The following PLCG2 variants were observed in gnomAD, a reference collection of about 807,000 sequenced individuals.
PLCG2 encodes the protein 1-phosphatidylinositol 4,5-bisphosphate phosphodiesterase gamma-2.
Under a neutral mutation model 175.6 loss-of-function variants are expected in PLCG2, and 69 were observed. That is an observed-to-expected ratio of 0.39 (90% CI 0.32 to 0.48). The LOEUF (loss-of-function observed/expected upper bound fraction) is 0.48. Ranked by LOEUF, PLCG2 falls within the 20% of genes least tolerant of loss-of-function variation. The probability of loss-of-function intolerance (pLI) is 0.91; values close to 1 mark genes in which losing one functional copy is unlikely to be tolerated. For missense variants in PLCG2, 1,798 were observed against 1,650.9 expected (o/e 1.09, Z -1.54); for synonymous variants, 827 against 624.0 (o/e 1.33, Z -4.85).
chr16:81,778,050 A>AC (rs1567457819), upstream of PLCG2, among the ~76,000 whole-genome samples: 9 of 103,968 alleles, frequency 8.7e-5, no homozygotes, highest in East Asian at 2.4e-4. Flanking sequence ...AAACAAAAAA[A>AC]AAAACAAAAA....
chr16:81,750,662 G>GTTTTTTTTTTT (rs1567692941), intron 1 of PLCG2, among the ~76,000 whole-genome samples: 1 of 18,584 alleles, frequency 5.4e-5, no homozygotes, highest in Non-Finnish European at 1.2e-4. Context: ...GGGGACTGGA[G>GTTTTTTTTTTT]ATTTTTTTTT....
At position 81,744,979 on chromosome 16, in the gene PLCG2, G is replaced by A. The variant is rs73604542; in HGVS notation, c.-145+5594G>A. Among the ~76,000 whole-genome samples the A allele has an allele frequency of 8.6e-3, 1,307 of 152,282 alleles. 17 individuals carry two copies. Among genetic ancestry groups the A allele is most frequent in the African/African-American group, 0.028 (1,180 of 41,552 alleles). Reference sequence around the variant, plus strand: ...GGGTTGGTTTTTCTGGATTCAAAGTGTCTCATCTTAACTCCAACCCTGGAC... The same window carrying A: ...GGGTTGGTTTTTCTGGATTCAAAGTATCTCATCTTAACTCCAACCCTGGAC... On this transcript the variant is annotated intron_variant, in intron 1 of 5. Transcript: ENST00000565054.
chr16:81,956,086 C>T (rs1054289612), intron 31 of PLCG2, among the ~76,000 whole-genome samples: 2 of 152,200 alleles, frequency 1.3e-5, no homozygotes, highest in Admixed American at 1.3e-4. Context: ...ACCCCGGTGA[C>T]CTTTAACCTA....
intron 2 of PLCG2, among the ~76,000 whole-genome samples, chr16:81,822,281 C>T (rs759636949): frequency 1.3e-5 from 2 of 152,122 alleles, no homozygotes; most frequent in African/African-American, 2.4e-5. Flanking sequence ...GAAGGGTCGG[C>T]ATAGGTGGTA....
chr16:81,901,269 A>G (rs1406242012), intron 14 of PLCG2, among the ~76,000 whole-genome samples: 1 of 152,124 alleles, frequency 6.6e-6, no homozygotes, highest in African/African-American at 2.4e-5. Flanking sequence ...GCAGCAATAG[A>G]GCTGATGTTC....
At chr16:81,796,036 G>A (rs896611538) in intron 2 of PLCG2, among the ~76,000 whole-genome samples, 2 of 152,254 alleles carry the variant, frequency 1.3e-5, no homozygotes, top group Non-Finnish European at 2.9e-5. Context: ...AGGTGCCCCA[G>A]TGAAGGCTGA....
At chr16:81,940,282 C>T (rs1317864660) in intron 30 of PLCG2, among the ~76,000 whole-genome samples, 23 of 152,166 alleles carry the variant, frequency 1.5e-4, no homozygotes, top group Admixed American at 1.4e-3. Flanking sequence ...GGGATGTTTA[C>T]AAGCAAAACT....
chr16:81,768,128 G>A (rs1208657546), intron 2 of PLCG2, among the ~76,000 whole-genome samples: 3 of 152,002 alleles, frequency 2.0e-5, no homozygotes, highest in Admixed American at 1.3e-4. Flanking sequence ...GACCCACCTC[G>A]GCCTCCAAAA....
chr16:81,807,172 C>CA (rs1315196124), intron 2 of PLCG2, among the ~76,000 whole-genome samples: 4 of 151,998 alleles, frequency 2.6e-5, no homozygotes, highest in African/African-American at 9.6e-5. Context: ...CGTGGTGATT[C>CA]ATGTGGTGAT....
intron 24 of PLCG2, 147 bp downstream of exon 24, chr16:81,928,771 AG>A (rs1910383544): frequency 1.5e-6 from 1 of 649,468 alleles, no homozygotes; most frequent in Non-Finnish European, 2.9e-6. Flanking sequence ...TATTTAGGTC[AG>A]GCTGGTCAGT....
chr16:81,755,755 A>C (rs1909908383), intron 1 of PLCG2: 1 of 151,700 alleles, frequency 6.6e-6, no homozygotes, highest in Non-Finnish European at 1.5e-5. Context: ...CCAATTCCTG[A>C]CCTCAAGTGA....
At chr16:81,912,773 C>T (rs1024995199) in intron 19 of PLCG2, 57 bp downstream of exon 19, 23 of 1,504,712 alleles carry the variant, frequency 1.5e-5, no homozygotes, top group South Asian at 1.1e-4. Flanking sequence ...AGGACAGATG[C>T]GGAGAGACAA....
intron 2 of PLCG2, among the ~76,000 whole-genome samples, chr16:81,806,657 A>G (rs1904282591): frequency 6.6e-6 from 1 of 151,906 alleles, no homozygotes; most frequent in Non-Finnish European, 1.5e-5. Context: ...GTAAATTTTT[A>G]TATATGGAAA....
At chr16:81,925,202 G>A (rs1036852586) in intron 22 of PLCG2, among the ~76,000 whole-genome samples, 10 of 152,194 alleles carry the variant, frequency 6.6e-5, no homozygotes, top group South Asian at 2.1e-4. Context: ...TGGGCAAACC[G>A]CCCAGCGGCT....
chr16:81,739,459 A>C (rs1398933232), intron 1 of PLCG2: 2 of 152,096 alleles, frequency 1.3e-5, no homozygotes, highest in South Asian at 4.1e-4. Flanking sequence ...TATTTCTGGT[A>C]CATTCTCTGG....
intron 2 of PLCG2, among the ~76,000 whole-genome samples, chr16:81,841,293 G>A (rs555841491): frequency 1.3e-5 from 2 of 151,942 alleles, no homozygotes; most frequent in African/African-American, 4.8e-5. Context: ...CTGGAGTGCA[G>A]TGGCATGATC....
chr16:81,945,557 G>A (rs1010678397), intron 30 of PLCG2, among the ~76,000 whole-genome samples: 3 of 152,192 alleles, frequency 2.0e-5, no homozygotes, highest in East Asian at 1.9e-4. Context: ...GAGATGTGTT[G>A]CCTTAAACAT....
intron 2 of PLCG2, among the ~76,000 whole-genome samples, chr16:81,788,349 C>G (rs1322682609): frequency 6.6e-6 from 1 of 152,118 alleles, no homozygotes; most frequent in Non-Finnish European, 1.5e-5. Flanking sequence ...AGTACAATGT[C>G]AGCTCACTGC....
At chr16:81,867,942 G>T (rs1292168608) in intron 5 of PLCG2, among the ~76,000 whole-genome samples, 1 of 152,020 alleles carries the variant, frequency 6.6e-6, no homozygotes, top group Non-Finnish European at 1.5e-5. Context: ...CTCGTGATCC[G>T]CCCGCCTCAG....
Sources: gnomAD v4.1 joint callset for allele counts (sites outside exome capture counted in the v4.1 genomes callset) on GRCh38, gnomAD v4.1.1 for gene constraint, MANE v1.5 for transcripts, NCBI Gene and HGNC (gene_info 2026-07-23, HGNC 2026-07-21) for gene names.